The following COTL1 variants were observed in gnomAD, a reference collection of about 807,000 sequenced individuals.
COTL1 encodes the protein coactosin-like protein.
In COTL1, 15 loss-of-function variants were observed where a neutral mutation model predicts 16.5. That is an observed-to-expected ratio of 0.91 (90% CI 0.61 to 1.40). COTL1 has a LOEUF of 1.40. COTL1 is among the 40% of genes most tolerant of loss of function. The pLI, the probability that COTL1 is intolerant of heterozygous loss-of-function variation, is 0.00. For synonymous variants in COTL1, 112 were observed against 85.3 expected, an observed-to-expected ratio of 1.31 and a Z score of -1.73; for missense variants, 220 against 201.5, an observed-to-expected ratio of 1.09 and a Z score of -0.56.
chr16:84,591,529 G>C (rs553823712), intron 2 of COTL1, among the ~76,000 whole-genome samples: 3 of 149,876 alleles, frequency 2.0e-5, no homozygotes, highest in Admixed American at 2.0e-4. Context: ...GCCAGGTATG[G>C]TGGCTCACCC....
intron 3 of COTL1, among the ~76,000 whole-genome samples, chr16:84,582,035 G>C (rs1452474652): frequency 8.5e-6 from 1 of 117,236 alleles, no homozygotes; most frequent in East Asian, 2.3e-4. Context: ...GCCCAGGCTG[G>C]AGTGCAGTGG....
At chr16:84,588,540 T>C (rs1302680712) in intron 3 of COTL1, among the ~76,000 whole-genome samples, 2 of 152,192 alleles carry the variant, frequency 1.3e-5, no homozygotes, top group African/African-American at 4.8e-5. Context: ...TCACTCAGTC[T>C]GACTACACTC....
At chr16:84,587,272 T>C in intron 3 of COTL1, among the ~76,000 whole-genome samples, 1 of 152,190 alleles carries the variant, frequency 6.6e-6, no homozygotes. Context: ...AAATGGCCTT[T>C]GTCAGCATTT....
chr16:84,598,854 G>A (rs1206865754), intron 2 of COTL1, among the ~76,000 whole-genome samples: 2 of 151,262 alleles, frequency 1.3e-5, no homozygotes, highest in Non-Finnish European at 3.0e-5. Context: ...GGGTCCAAGC[G>A]GGGTCGGGGG....
rs75514421 is a variant in COTL1 at position 84,609,563 on chromosome 16, C to T, written c.160+7938G>A. ...GGCCTCACTTTCTCCTCTGGTAGCCCGTTCTACCTTAAGGGCCTCTTCCTC... is the reference window on the plus strand; with the variant it reads ...GGCCTCACTTTCTCCTCTGGTAGCCTGTTCTACCTTAAGGGCCTCTTCCTC... On this transcript the variant is annotated intron_variant, in intron 2 of 3. Transcript: ENST00000262428. 3.9e-3 allele frequency among the ~76,000 whole-genome samples: 597 copies of T among 152,308 alleles called. 3 individuals carry two copies. Among genetic ancestry groups the T allele is most frequent in the African/African-American group, 0.014 (565 of 41,554 alleles).
At chr16:84,585,399 A>G (rs566968905) in intron 3 of COTL1, among the ~76,000 whole-genome samples, 185 of 151,920 alleles carry the variant, frequency 1.2e-3, no homozygotes, top group Non-Finnish European at 2.1e-3. Context: ...GTTCCTCCAC[A>G]TCAATGACCG....
In COTL1 at chr16:84,594,142, A is replaced by G. The variant is rs559068323; in HGVS notation, c.161-3880T>C. Among the ~76,000 whole-genome samples the G allele has an allele frequency of 2.2e-3, 323 of 150,070 alleles. 2 individuals carry two copies. Among genetic ancestry groups the G allele is most frequent in the African/African-American group, 7.3e-3 (302 of 41,414 alleles). On this transcript the variant is annotated intron_variant, in intron 2 of 3. Transcript: ENST00000262428. ...TTATGGCTGAACAGCACTCCATTGCATGGAGAGAGCACATTTTGCTTATCA... is the reference window on the plus strand; with the variant it reads ...TTATGGCTGAACAGCACTCCATTGCGTGGAGAGAGCACATTTTGCTTATCA...
intron 2 of COTL1, among the ~76,000 whole-genome samples, chr16:84,610,052 T>A (rs1395785299): frequency 6.6e-6 from 1 of 152,192 alleles, no homozygotes; most frequent in Non-Finnish European, 1.5e-5. Context: ...ACTTACCACA[T>A]GACAGCCCCT....
chr16:84,603,826 A>G (rs1304547504), intron 2 of COTL1, among the ~76,000 whole-genome samples: 1 of 152,010 alleles, frequency 6.6e-6, no homozygotes. Context: ...GGGCCAAGGC[A>G]AAGTTCTAGG....
chr16:84,604,685 C>T (rs1468548032), intron 2 of COTL1, among the ~76,000 whole-genome samples: 2 of 152,170 alleles, frequency 1.3e-5, no homozygotes, highest in African/African-American at 4.8e-5. Flanking sequence ...ACAGCCCTCT[C>T]TCTGTCCCTC....
At chr16:84,608,320 T>C (rs2150696021) in intron 2 of COTL1, among the ~76,000 whole-genome samples, 1 of 152,370 alleles carries the variant, frequency 6.6e-6, no homozygotes, top group Middle Eastern at 3.4e-3. Context: ...GGGAATGCTT[T>C]TTTTGAACTT....
At chr16:84,581,643 A>G (rs550335960) in intron 3 of COTL1, among the ~76,000 whole-genome samples, 3 of 151,736 alleles carry the variant, frequency 2.0e-5, no homozygotes, top group African/African-American at 7.3e-5. Flanking sequence ...AGCTGGGATT[A>G]CAGGCGTGTG....
intron 2 of COTL1, among the ~76,000 whole-genome samples, chr16:84,607,038 G>A (rs1203546786): frequency 6.6e-6 from 1 of 152,208 alleles, no homozygotes; most frequent in African/African-American, 2.4e-5. Flanking sequence ...ACCCATGGGG[G>A]AAAGAGATTG....
chr16:84,581,978 C>CTTTTTTTTTTTTTTTTTTTTT (rs11332563), intron 3 of COTL1, among the ~76,000 whole-genome samples: 1 of 66,038 alleles, frequency 1.5e-5, no homozygotes, highest in Non-Finnish European at 3.2e-5. Flanking sequence ...TACATTTCTT[C>CTTTTTTTTTTTTTTTTTTTTT]TTTTTTTTTT....
At chr16:84,568,723 G>A (rs1904309372) in intron 3 of COTL1, 1 of 152,184 alleles carries the variant, frequency 6.6e-6, no homozygotes, top group Non-Finnish European at 1.5e-5. Flanking sequence ...TCACGAAAAA[G>A]TACTGAAAAA....
chr16:84,593,702 G>A (rs545521040), intron 2 of COTL1, among the ~76,000 whole-genome samples: 9 of 152,026 alleles, frequency 5.9e-5, no homozygotes, highest in South Asian at 2.1e-4. Context: ...TAGTAGAGAC[G>A]GGGTTTCACC....
intron 3 of COTL1, among the ~76,000 whole-genome samples, chr16:84,570,789 C>T (rs769897812): frequency 1.3e-5 from 2 of 152,140 alleles, no homozygotes; most frequent in African/African-American, 4.8e-5. Context: ...AAAGACAAGT[C>T]GTCCAGCAAT....
chr16:84,584,081 C>T (rs1242945840), intron 3 of COTL1, among the ~76,000 whole-genome samples: 1 of 152,202 alleles, frequency 6.6e-6, no homozygotes, highest in Non-Finnish European at 1.5e-5. Context: ...CTGCATTGTC[C>T]CCACAATCCT....
chr16:84,604,954 T>C (rs1229338557), intron 2 of COTL1, among the ~76,000 whole-genome samples: 2 of 152,252 alleles, frequency 1.3e-5, no homozygotes, highest in South Asian at 2.1e-4. Flanking sequence ...AGGCGAGCCC[T>C]GCAGGCAAAA....
Sources: gnomAD v4.1 joint callset for allele counts (sites outside exome capture counted in the v4.1 genomes callset) on GRCh38, gnomAD v4.1.1 for gene constraint, MANE v1.5 for transcripts, NCBI Gene and HGNC (gene_info 2026-07-23, HGNC 2026-07-21) for gene names.